The following GPATCH2L variants were observed in gnomAD, a reference collection of about 807,000 sequenced individuals.
GPATCH2L encodes the protein G-patch domain containing 2 like.
Under a neutral mutation model 57.4 loss-of-function variants are expected in GPATCH2L, and 31 were observed. The ratio of observed to expected loss-of-function variants is 0.54; its 90% CI spans 0.41 to 0.73. The LOEUF (loss-of-function observed/expected upper bound fraction) is 0.73, where lower values mean the gene tolerates loss of function less well. Among genes scored for constraint, GPATCH2L ranks in the 30% least tolerant of loss-of-function variants. The pLI is 0.00. For synonymous variants in GPATCH2L, 199 were observed against 210.7 expected (o/e 0.94, Z 0.48); for missense variants, 481 against 599.9 (o/e 0.80, Z 2.07).
At chr14:76,227,411 T>C (rs1320365606) in intron 1 of GPATCH2L, among the ~76,000 whole-genome samples, 1 of 151,844 alleles carries the variant, frequency 6.6e-6, no homozygotes, top group African/African-American at 2.4e-5. Flanking sequence ...ACCAGTGGAG[T>C]ACCAGAGTCC....
At chr14:76,233,328 T>TG (rs2040583239) in intron 2 of GPATCH2L, among the ~76,000 whole-genome samples, 1 of 152,230 alleles carries the variant, frequency 6.6e-6, no homozygotes, top group African/African-American at 2.4e-5. Flanking sequence ...TCACATGCAA[T>TG]GGGCATTGTC....
chr14:76,172,809 T>G lies in GPATCH2L; in HGVS notation c.905-737T>G, dbSNP rs143694283. The stretch of plus-strand genomic sequence containing the variant: ...TCACACTACGAGATGTAAACTTGTA[T>G]TATGTAGGATTTTGTCATGGTGAAT... On this transcript the variant is annotated intron_variant, in intron 4 of 9. Transcript: ENST00000261530. Among the ~76,000 whole-genome samples, 415 of 152,354 alleles carry G rather than the reference T, an allele frequency of 2.7e-3. 2 individuals are homozygous for G. The highest frequency in any genetic ancestry group is 9.0e-3 in the African/African-American group (376 of 41,586).
Position 76,178,725 on chromosome 14 carries a change from G to T in GPATCH2L, c.1107+683G>T, listed in dbSNP as rs570657145. 34 of 152,636 alleles carry T rather than the reference G, an allele frequency of 2.2e-4. 1 individual carries two copies. The highest frequency in any genetic ancestry group is 7.5e-4 in the African/African-American group (31 of 41,580). The allele number at this position is 152,636 out of a possible 1,614,324, so 9.5% of individuals were successfully genotyped here. Reference sequence around the variant, plus strand: ...TCTAATGTGGCTGTTGATCTGACAGGAGGTAGAGCTCAGGCGGTAATGCCC... The same window carrying T: ...TCTAATGTGGCTGTTGATCTGACAGTAGGTAGAGCTCAGGCGGTAATGCCC... On this transcript the variant is annotated intron_variant, in intron 7 of 9. Coordinates refer to ENST00000261530, the MANE Select transcript of GPATCH2L (RefSeq NM_017926.4).
rs2040090555 is a variant in GPATCH2L at position 76,194,633 on chromosome 14, T to C, written c.1194-1245T>C. On this transcript the variant is annotated intron_variant, in intron 8 of 9. Coordinates refer to ENST00000261530, the MANE Select transcript of GPATCH2L (RefSeq NM_017926.4). ...TGTTGCCTTGCTAACCAGGTTTTCT[T>C]AGGTTTGTCTGAGGTTCCAGTTTTA... Among the ~76,000 whole-genome samples, 4 of 152,264 alleles carry C rather than the reference T, an allele frequency of 2.6e-5. No individual in the cohort carries two copies. In the South Asian group the frequency reaches 6.2e-4, roughly 24 times the overall value.
rs1355854451 is a variant in GPATCH2L at position 76,205,907 on chromosome 14, G to C, written c.*4056G>C. On this transcript the variant is annotated 3_prime_UTR_variant, in exon 10 of 10. Transcript: ENST00000261530. ...TTTTTCCCCCTGGGGAGAAGACTAT[G>C]TAAAAATCTCAGCGTTAGAAGCTGT... is the stretch of plus-strand genomic sequence containing the variant. 1 of 152,384 alleles carries C rather than the reference G, an allele frequency of 6.6e-6. No individual in the cohort carries two copies. The highest frequency in any genetic ancestry group is 1.5e-5 in the Non-Finnish European group (1 of 68,082). 9.4% of individuals were successfully genotyped at this position (152,384 alleles called of 1,614,324 possible).
chr14:76,177,196 C>G (rs1594947978), intron 6 of GPATCH2L, among the ~76,000 whole-genome samples: 1 of 152,114 alleles, frequency 6.6e-6, no homozygotes, highest in African/African-American at 2.4e-5. Context: ...CAGGCGCATG[C>G]TGCTGCGCCT....
At chr14:76,165,982 A>G (rs188919660) in intron 2 of GPATCH2L, among the ~76,000 whole-genome samples, 6 of 152,372 alleles carry the variant, frequency 3.9e-5, no homozygotes, top group Admixed American at 2.6e-4. Flanking sequence ...CAAATTTAGA[A>G]GCACACCATG....
At chr14:76,165,882 A>G (rs142427762) in intron 2 of GPATCH2L, among the ~76,000 whole-genome samples, 6 of 152,298 alleles carry the variant, frequency 3.9e-5, no homozygotes, top group African/African-American at 1.4e-4. Context: ...TGAAAAAAAA[A>G]TTTTTGACTC....
chr14:76,161,482 A>AAC (rs2038581092), intron 2 of GPATCH2L, among the ~76,000 whole-genome samples: 1 of 152,162 alleles, frequency 6.6e-6, no homozygotes, highest in Admixed American at 6.5e-5. Flanking sequence ...TTATAATTGG[A>AAC]ACAGGTATAA....
chr14:76,179,664 C>T (rs1209619805), intron 7 of GPATCH2L: 2 of 152,150 alleles, frequency 1.3e-5, no homozygotes, highest in Non-Finnish European at 2.9e-5. Context: ...GTTATCATTC[C>T]GGGTTCTTCC....
At chr14:76,232,620 G>A (rs1431546831) in intron 2 of GPATCH2L, among the ~76,000 whole-genome samples, 1 of 152,170 alleles carries the variant, frequency 6.6e-6, no homozygotes, top group African/African-American at 2.4e-5. Context: ...CTCACTGATA[G>A]CTGTTAGATT....
chr14:76,199,584 C>G (rs894626755), intron 9 of GPATCH2L, among the ~76,000 whole-genome samples: 1 of 152,124 alleles, frequency 6.6e-6, no homozygotes, highest in East Asian at 1.9e-4. Flanking sequence ...GCACTGTTCT[C>G]TGAGAGAACA....
intron 2 of GPATCH2L, among the ~76,000 whole-genome samples, chr14:76,231,117 C>T (rs961283765): frequency 6.6e-6 from 1 of 152,188 alleles, no homozygotes; most frequent in East Asian, 1.9e-4. Flanking sequence ...TTTATTCATT[C>T]ACATTCCATT....
intron 1 of GPATCH2L, among the ~76,000 whole-genome samples, chr14:76,219,767 C>A (rs1319406547): frequency 1.3e-5 from 2 of 152,004 alleles, no homozygotes; most frequent in African/African-American, 4.8e-5. Context: ...TTATACAAGT[C>A]GTTCTGAAAG....
Position 76,157,576 on chromosome 14 carries a change from G to A in GPATCH2L, c.662+2551G>A, listed in dbSNP as rs747606022. Among the ~76,000 whole-genome samples, 11 of 152,100 alleles carry A rather than the reference G, an allele frequency of 7.2e-5. No homozygotes were observed. In the South Asian group the frequency reaches 1.7e-3, roughly 23 times the overall value. ...TCAAAATGTAGAATTTTACTTTTTAGCAGTGGTATTGAGGGTTGTCAGAGT... is the reference window on the plus strand; with the variant it reads ...TCAAAATGTAGAATTTTACTTTTTAACAGTGGTATTGAGGGTTGTCAGAGT... On this transcript the variant is annotated intron_variant, in intron 2 of 9. Transcript: ENST00000261530.
chr14:76,173,414 A>G lies in GPATCH2L; in HGVS notation c.905-132A>G, dbSNP rs547605232. The stretch of plus-strand genomic sequence containing the variant: ...ACCTGGGAATAATAAATCCTTGGCA[A>G]ATAGCTCTGTGATGCTAGTTTAAAG... On this transcript the variant is annotated intron_variant, in intron 4 of 9. Transcript: ENST00000261530. The G allele has an allele frequency of 8.5e-6, 5 of 590,172 alleles. No individual in the cohort carries two copies. In the Admixed American group the frequency reaches 1.2e-4, roughly 14 times the overall value. The allele number at this position is 590,172 out of a possible 1,614,324, so 36.6% of individuals were successfully genotyped here.
intron 1 of GPATCH2L, among the ~76,000 whole-genome samples, chr14:76,221,178 A>T (rs954467389): frequency 2.0e-5 from 3 of 152,140 alleles, no homozygotes; most frequent in Non-Finnish European, 2.9e-5. Flanking sequence ...AGAAAAAAAA[A>T]AAAGCCCTAA....
chr14:76,233,823 G>T (rs892774541), intron 2 of GPATCH2L, among the ~76,000 whole-genome samples: 9 of 152,140 alleles, frequency 5.9e-5, no homozygotes, highest in African/African-American at 2.2e-4. Context: ...TAGGGTCCAG[G>T]CCAGGTGTTG....
At chr14:76,215,933 T>A (rs141609954), downstream of GPATCH2L, among the ~76,000 whole-genome samples, 3,198 of 151,078 alleles carry the variant, frequency 0.021, 71 homozygotes, top group South Asian at 0.073. Context: ...AAATAAAAAT[T>A]AAAAAAAATG....
Sources: allele counts gnomAD v4.1 joint callset (sites outside exome capture counted in the v4.1 genomes callset), GRCh38; gene constraint gnomAD v4.1.1; transcripts MANE v1.5; gene names NCBI Gene and HGNC (gene_info 2026-07-23, HGNC 2026-07-21).